Variants in GRM8 observed in about 807,000 individuals in gnomAD.
GRM8 encodes glutamate metabotropic receptor 8.
A neutral mutation model predicts 87.2 loss-of-function variants in GRM8; 47 were observed. The observed-to-expected ratio is 0.54, with a 90% CI of 0.43 to 0.69. The LOEUF (loss-of-function observed/expected upper bound fraction) is 0.69. Ranked by LOEUF, GRM8 falls within the 30% of genes least tolerant of loss-of-function variation. The pLI, the probability that GRM8 is intolerant of heterozygous loss-of-function variation, is 0.00. For synonymous variants in GRM8, 396 were observed against 404.5 expected (o/e 0.98, Z 0.25); for missense variants, 1,019 against 1,139.2 (o/e 0.89, Z 1.52).
intron 8 of GRM8, among the ~76,000 whole-genome samples, chr7:126,574,871 G>C (rs1794980647): frequency 6.6e-6 from 1 of 152,056 alleles, no homozygotes; most frequent in African/African-American, 2.4e-5. Context: ...TGTGGACTCA[G>C]CACTTCCTGT....
At chr7:126,989,420 T>A (rs1812416551) in intron 3 of GRM8, among the ~76,000 whole-genome samples, 1 of 152,244 alleles carries the variant, frequency 6.6e-6, no homozygotes, top group Non-Finnish European at 1.5e-5. Flanking sequence ...GCCTGATTAT[T>A]CAAGCTTATC....
At chr7:126,861,470 C>T (rs192438410) in intron 6 of GRM8, among the ~76,000 whole-genome samples, 30 of 152,114 alleles carry the variant, frequency 2.0e-4, no homozygotes, top group Admixed American at 2.0e-3. Context: ...TATTGCTAAA[C>T]TGCCCTCTAA....
rs1310011501 is a variant in GRM8 at position 126,685,559 on chromosome 7, T to C, written c.1358-76061A>G. 6.6e-6 allele frequency among the ~76,000 whole-genome samples: 1 copy of C among 152,082 alleles called. No individual in the cohort carries two copies. The highest frequency in any genetic ancestry group is 2.4e-5 in the African/African-American group (1 of 41,430). ...GCCTGGCTTCTCCCCACTGTCAGTG[T>C]ATGCTCTGATCTTGGAGTAAGGTTG... On this transcript the variant is annotated intron_variant, in intron 7 of 10. Transcript: ENST00000339582. The surrounding 1 kb of genome is among the most constrained non-coding windows in gnomAD (Gnocchi z 4.2).
chr7:126,505,453 G>A (rs1810308407), intron 9 of GRM8, among the ~76,000 whole-genome samples: 1 of 152,006 alleles, frequency 6.6e-6, no homozygotes, highest in Non-Finnish European at 1.5e-5. Flanking sequence ...TCAGACAAGT[G>A]GTGGCCAGAG....
intron 3 of GRM8, among the ~76,000 whole-genome samples, chr7:127,027,192 A>G (rs1336624852): frequency 1.3e-5 from 2 of 152,128 alleles, no homozygotes; most frequent in Non-Finnish European, 1.5e-5. Context: ...CCATTGGTCT[A>G]TATATCTGTT....
intron 3 of GRM8, among the ~76,000 whole-genome samples, chr7:127,086,430 T>A (rs779954508): frequency 6.6e-6 from 1 of 152,168 alleles, no homozygotes. Context: ...CAGAAAGCTA[T>A]GTATCCAAAT....
chr7:126,500,276 A>T (rs541440078), intron 9 of GRM8, among the ~76,000 whole-genome samples: 42 of 151,854 alleles, frequency 2.8e-4, no homozygotes, highest in Admixed American at 8.5e-4. Context: ...TCTACTCTCT[A>T]TATAAATTCC....
intron 7 of GRM8, among the ~76,000 whole-genome samples, chr7:126,696,288 G>C (rs577785250): frequency 1.4e-4 from 22 of 152,134 alleles, no homozygotes; most frequent in Non-Finnish European, 2.6e-4. Context: ...ACAGGTAAAC[G>C]TCTGTCATGG....
chr7:126,538,424 T>C (rs1816105634), intron 8 of GRM8, among the ~76,000 whole-genome samples: 1 of 152,170 alleles, frequency 6.6e-6, no homozygotes, highest in Non-Finnish European at 1.5e-5. Flanking sequence ...TTATAATTAA[T>C]AATTTTCAGT....
At chr7:127,081,717 T>A (rs1160011947) in intron 3 of GRM8, among the ~76,000 whole-genome samples, 1 of 152,058 alleles carries the variant, frequency 6.6e-6, no homozygotes, top group African/African-American at 2.4e-5. Context: ...ACTGAAGATA[T>A]CATTTGGGGA....
rs1407361516 is a variant in GRM8 at position 126,532,770 on chromosome 7, T to G, written c.2430+182A>C. On this transcript the variant is annotated intron_variant, in intron 9 of 10. Transcript: ENST00000339582. ...TGTGACCTTGACGGATGGAGATATATATATATATATATATATATATATATA... is the reference window on the plus strand; with the variant it reads ...TGTGACCTTGACGGATGGAGATATAGATATATATATATATATATATATATA... 1.8e-3 allele frequency among the ~76,000 whole-genome samples: 11 copies of G among 6,190 alleles called. No homozygotes were observed. In the South Asian group the frequency reaches 0.057, roughly 32 times the overall value. The allele number at this position is 6,190 out of a possible 152,430, so 4.1% of individuals were successfully genotyped here.
chr7:126,959,906 T>C (rs1809128564), intron 3 of GRM8, among the ~76,000 whole-genome samples: 1 of 152,220 alleles, frequency 6.6e-6, no homozygotes, highest in Admixed American at 6.5e-5. Context: ...TAAACTCAGC[T>C]TCCTCATCTG....
At chr7:126,854,217 C>T (rs780910091) in intron 6 of GRM8, among the ~76,000 whole-genome samples, 5 of 152,302 alleles carry the variant, frequency 3.3e-5, no homozygotes, top group East Asian at 1.9e-4. Flanking sequence ...GGTTCCCCTC[C>T]GCCAGTGGAA....
At chr7:127,225,775 C>A (rs142083395) in intron 2 of GRM8, among the ~76,000 whole-genome samples, 2 of 151,198 alleles carry the variant, frequency 1.3e-5, no homozygotes, top group Non-Finnish European at 2.9e-5. Context: ...TTCCAGAGAA[C>A]CTCCCTTTAA....
At chr7:126,972,702 A>G (rs999410425) in intron 3 of GRM8, among the ~76,000 whole-genome samples, 1 of 152,188 alleles carries the variant, frequency 6.6e-6, no homozygotes, top group Non-Finnish European at 1.5e-5. Flanking sequence ...GCTTTAAAAG[A>G]AAAGAAATAA....
chr7:126,694,773 G>C (rs772380256), intron 7 of GRM8, among the ~76,000 whole-genome samples: 24 of 152,180 alleles, frequency 1.6e-4, no homozygotes, highest in Non-Finnish European at 3.1e-4. Flanking sequence ...TATTAGTCTA[G>C]GTCAGTCAGA....
intron 9 of GRM8, among the ~76,000 whole-genome samples, chr7:126,477,647 GAGAA>G (rs1563051536): frequency 3.4e-5 from 5 of 145,598 alleles, no homozygotes; most frequent in South Asian, 2.2e-4. Context: ...AAAAACGAAA[GAGAA>G]AGAAAGAAAA....
chr7:126,892,424 A>G (rs1801131715), intron 6 of GRM8, among the ~76,000 whole-genome samples: 1 of 152,046 alleles, frequency 6.6e-6, no homozygotes, highest in African/African-American at 2.4e-5. Flanking sequence ...ACTGAGAATG[A>G]TGATTTCCAA....
At chr7:126,549,288 G>A (rs951318195) in intron 8 of GRM8, among the ~76,000 whole-genome samples, 4 of 151,976 alleles carry the variant, frequency 2.6e-5, no homozygotes, top group African/African-American at 9.7e-5. Context: ...AGAAACATCT[G>A]TGCAAATAGA....
Sources: allele counts gnomAD v4.1 joint callset (sites outside exome capture counted in the v4.1 genomes callset), GRCh38; gene constraint gnomAD v4.1.1; non-coding constraint Gnocchi (gnomAD v3.1); transcripts MANE v1.5; gene names NCBI Gene and HGNC (gene_info 2026-07-23, HGNC 2026-07-21).